PCDH11X: variants seen among roughly 807,000 people sequenced by gnomAD.
PCDH11X encodes the protein protocadherin 11 X-linked, also known as protocadherin-11 X-linked.
PCDH11X carries 18 observed loss-of-function variants against 53.3 expected under a neutral mutation model. That is an observed-to-expected ratio of 0.34 (90% CI 0.23 to 0.50). The LOEUF (loss-of-function observed/expected upper bound fraction) is 0.50. PCDH11X is among the 20% of genes least tolerant of loss of function. PCDH11X has a pLI of 0.98. For synonymous variants in PCDH11X, 279 were observed against 393.3 expected, an observed-to-expected ratio of 0.71 and a Z score of 3.44; for missense variants, 570 against 1,032.4, an observed-to-expected ratio of 0.55 and a Z score of 6.14.
intron 10 of PCDH11X, among the ~76,000 whole-genome samples, chrX:92,611,230 G>A (rs1479954021): frequency 1.8e-5 from 2 of 109,933 alleles, no homozygotes; most frequent in East Asian, 2.9e-4. Context: ...TAATCCATGA[G>A]CATAGGATGC....
At chrX:92,318,766 A>G (rs894744858) in intron 8 of PCDH11X, among the ~76,000 whole-genome samples, 1 of 111,437 alleles carries the variant, frequency 9.0e-6, no homozygotes, top group African/African-American at 3.3e-5. Context: ...AATTAAAAGA[A>G]TACCATCCAA....
At chrX:91,796,451 TGTG>T (rs1348086871) in intron 1 of PCDH11X, among the ~76,000 whole-genome samples, 1 of 111,128 alleles carries the variant, frequency 9.0e-6, no homozygotes, top group Non-Finnish European at 1.9e-5. Flanking sequence ...ATTTTAGTAA[TGTG>T]GTGAAAAAAT....
intron 10 of PCDH11X, among the ~76,000 whole-genome samples, chrX:92,572,725 A>G (rs1392672014): frequency 3.1e-5 from 3 of 97,271 alleles, no homozygotes; most frequent in Non-Finnish European, 6.3e-5. Flanking sequence ...ATGTACTGAA[A>G]ATACAAAAAT....
At chrX:92,031,266 A>G (rs2063045324) in intron 6 of PCDH11X, among the ~76,000 whole-genome samples, 1 of 109,887 alleles carries the variant, frequency 9.1e-6, no homozygotes, top group African/African-American at 3.4e-5. Context: ...CCTGTTTGCT[A>G]TTTATATTTC....
At chrX:92,481,373 C>G (rs374644555) in intron 10 of PCDH11X, among the ~76,000 whole-genome samples, 39 of 111,542 alleles carry the variant, frequency 3.5e-4, no homozygotes, top group East Asian at 3.1e-3. Context: ...CACACACACT[C>G]ACCAGCAAGG....
At chrX:92,203,206 A>G (rs367797469) in intron 7 of PCDH11X, among the ~76,000 whole-genome samples, 3 of 112,626 alleles carry the variant, frequency 2.7e-5, no homozygotes, top group East Asian at 5.6e-4. Flanking sequence ...GGATAAATAA[A>G]TTCAAATAAT....
At chrX:91,963,344 A>G (rs180995099) in intron 6 of PCDH11X, among the ~76,000 whole-genome samples, 2,519 of 109,375 alleles carry the variant, frequency 0.023, 93 homozygotes, top group African/African-American at 0.083. Flanking sequence ...GATACCCTAA[A>G]TCATCTCTTT....
intron 6 of PCDH11X, among the ~76,000 whole-genome samples, chrX:92,016,332 C>A (rs2062792363): frequency 9.2e-6 from 1 of 108,156 alleles, no homozygotes; most frequent in South Asian, 4.2e-4. Context: ...ACAAGAGAGT[C>A]AATATGTACT....
chrX:92,012,329 G>A (rs1185977496), intron 6 of PCDH11X, among the ~76,000 whole-genome samples: 1 of 108,480 alleles, frequency 9.2e-6, no homozygotes, highest in East Asian at 2.9e-4. Flanking sequence ...GTGAATATAT[G>A]ATGTTTCCTT....
chrX:92,424,724 T>G (rs2072067291), intron 9 of PCDH11X, among the ~76,000 whole-genome samples: 2 of 98,116 alleles, frequency 2.0e-5, no homozygotes, highest in Admixed American at 1.1e-4. Context: ...AGGAAACTCA[T>G]CCCTGAGTGT....
chrX:91,865,576 C>A (rs1359253854), intron 5 of PCDH11X, among the ~76,000 whole-genome samples: 1 of 111,918 alleles, frequency 8.9e-6, no homozygotes, highest in East Asian at 2.8e-4. Flanking sequence ...CTATGTCTTT[C>A]ATTTCAGGGT....
intron 6 of PCDH11X, among the ~76,000 whole-genome samples, chrX:92,076,586 C>T (rs775393615): frequency 1.8e-5 from 2 of 111,496 alleles, no homozygotes; most frequent in Non-Finnish European, 3.8e-5. Context: ...CCAAAAGGGA[C>T]AAATAACCAA....
At position 91,907,412 on chromosome X, in the gene PCDH11X, C is replaced by CACAG. The variant is rs756926383; in HGVS notation, c.3033+28140_3033+28141insCAGA. Reference sequence around the variant, plus strand: ...ACACACACACACACACACACACACACAGAGAGAGAGAGAGAGAGAGAGAGA... The same window carrying CACAG: ...ACACACACACACACACACACACACACACAGAGAGAGAGAGAGAGAGAGAGAGAGA... On this transcript the variant is annotated intron_variant, in intron 6 of 10. Coordinates refer to ENST00000682573, the MANE Select transcript of PCDH11X (RefSeq NM_032968.5). 3.0e-3 allele frequency among the ~76,000 whole-genome samples: 174 copies of CACAG among 57,459 alleles called. 1 individual carries two copies. Among genetic ancestry groups the CACAG allele is most frequent in the South Asian group, 6.7e-3 (6 of 900 alleles). 49.9% of individuals were successfully genotyped at this position (57,459 alleles called of 115,157 possible). A position where few individuals can be genotyped will look rare whatever the true frequency, so the allele number is the denominator to read the frequency against.
At chrX:92,545,816 ATTAGT>A (rs2074844237) in intron 10 of PCDH11X, among the ~76,000 whole-genome samples, 2 of 109,746 alleles carry the variant, frequency 1.8e-5, no homozygotes, top group Non-Finnish European at 3.8e-5. Flanking sequence ...AATTAGTAGA[ATTAGT>A]TTAAAGGTGT....
intron 7 of PCDH11X, among the ~76,000 whole-genome samples, chrX:92,218,601 C>T (rs2066779524): frequency 1.8e-5 from 2 of 110,891 alleles, no homozygotes; most frequent in African/African-American, 6.6e-5. Context: ...GATTCACAGC[C>T]GAATTCTACC....
intron 10 of PCDH11X, among the ~76,000 whole-genome samples, chrX:92,604,812 A>T (rs955624682): frequency 6.4e-5 from 7 of 109,095 alleles, no homozygotes; most frequent in Non-Finnish European, 1.3e-4. Context: ...GCAATAAAAG[A>T]CTTTAAAATA....
intron 8 of PCDH11X, among the ~76,000 whole-genome samples, chrX:92,272,789 A>G (rs759607441): frequency 8.9e-6 from 1 of 112,417 alleles, no homozygotes; most frequent in Non-Finnish European, 1.9e-5. Context: ...AGGTATCTAA[A>G]GGAATTGAGG....
intron 7 of PCDH11X, among the ~76,000 whole-genome samples, chrX:92,219,663 C>T (rs1321264986): frequency 3.2e-5 from 2 of 62,144 alleles, no homozygotes; most frequent in Admixed American, 1.7e-4. Context: ...CATAAAGCTA[C>T]CAATGCCTTT....
intron 6 of PCDH11X, among the ~76,000 whole-genome samples, chrX:91,956,830 C>A (rs1438066278): frequency 9.5e-6 from 1 of 105,772 alleles, no homozygotes; most frequent in Non-Finnish European, 1.9e-5. Context: ...AGTTCTCCTG[C>A]ATGATATCCT....
Sources: gnomAD v4.1 joint callset for allele counts (sites outside exome capture counted in the v4.1 genomes callset) on GRCh38, gnomAD v4.1.1 for gene constraint, MANE v1.5 for transcripts, NCBI Gene and HGNC (gene_info 2026-07-23, HGNC 2026-07-21) for gene names.